Variants in DAB1 observed in about 807,000 individuals in gnomAD.
DAB1 encodes disabled homolog 1.
Under a neutral mutation model 64.6 loss-of-function variants are expected in DAB1, and 15 were observed. The ratio of observed to expected loss-of-function variants is 0.23; its 90% CI spans 0.16 to 0.36. The LOEUF is 0.36. Ranked by LOEUF, DAB1 falls within the 10% of genes least tolerant of loss-of-function variation. DAB1 has a pLI of 1.00. For synonymous variants in DAB1, 235 were observed against 251.9 expected (o/e 0.93, Z 0.64); for missense variants, 596 against 706.7 (o/e 0.84, Z 1.78).
intron 2 of DAB1, among the ~76,000 whole-genome samples, chr1:57,220,757 T>C (rs930321797): frequency 6.6e-6 from 1 of 152,086 alleles, no homozygotes; most frequent in Non-Finnish European, 1.5e-5. Flanking sequence ...AAACAACAGG[T>C]GCTGGAGAGG....
At chr1:57,692,252 TA>T (rs1239016694) in intron 6 of DAB1, among the ~76,000 whole-genome samples, 3 of 152,128 alleles carry the variant, frequency 2.0e-5, no homozygotes, top group African/African-American at 7.2e-5. Context: ...GTCCCGCTTC[TA>T]AAAACTACTC....
intron 4 of DAB1, among the ~76,000 whole-genome samples, chr1:58,322,631 C>T (rs1569641002): frequency 1.3e-5 from 2 of 152,188 alleles, no homozygotes; most frequent in Non-Finnish European, 2.9e-5. Context: ...AATGCTTTTA[C>T]AGTTTTGTTG....
chr1:58,016,366 T>C (rs1303086637), intron 5 of DAB1, among the ~76,000 whole-genome samples: 1 of 152,168 alleles, frequency 6.6e-6, no homozygotes, highest in Non-Finnish European at 1.5e-5. Context: ...CAATTTCCCA[T>C]TTAAGTAATC....
chr1:57,075,062 A>T (rs1651863866), intron 4 of DAB1, among the ~76,000 whole-genome samples: 1 of 152,186 alleles, frequency 6.6e-6, no homozygotes, highest in Admixed American at 6.5e-5. Flanking sequence ...TCCTAAAAGT[A>T]TCTCTCTCGC....
upstream of DAB1, among the ~76,000 whole-genome samples, chr1:57,427,147 G>A (rs1685322518): frequency 6.6e-6 from 1 of 152,174 alleles, no homozygotes; most frequent in African/African-American, 2.4e-5. Flanking sequence ...ACAGGCGTGA[G>A]CCACCACGCC....
chr1:58,105,375 A>T (rs760900718), intron 5 of DAB1, among the ~76,000 whole-genome samples: 1 of 152,206 alleles, frequency 6.6e-6, no homozygotes, highest in Non-Finnish European at 1.5e-5. Flanking sequence ...CATAAATACA[A>T]GGGCTGCCAT....
intron 4 of DAB1, among the ~76,000 whole-genome samples, chr1:58,161,343 C>T (rs995382828): frequency 7.9e-5 from 12 of 152,176 alleles, no homozygotes; most frequent in Middle Eastern, 3.4e-3. Flanking sequence ...TGGAATAAAA[C>T]GATTTTTATT....
chr1:57,909,656 A>C (rs1005023329), intron 5 of DAB1, among the ~76,000 whole-genome samples: 1 of 152,200 alleles, frequency 6.6e-6, no homozygotes, highest in African/African-American at 2.4e-5. Context: ...TTAGCAAAAA[A>C]TACTGCAAAG....
At chr1:57,764,961 C>G (rs900114284) in intron 6 of DAB1, among the ~76,000 whole-genome samples, 6 of 152,068 alleles carry the variant, frequency 3.9e-5, no homozygotes, top group Admixed American at 3.9e-4. Context: ...TTAGCCAAAC[C>G]AGATGGAAAT....
chr1:57,652,492 T>C (rs528073729), intron 6 of DAB1, among the ~76,000 whole-genome samples: 1 of 152,298 alleles, frequency 6.6e-6, no homozygotes, highest in East Asian at 1.9e-4. Flanking sequence ...AAAATCTCTC[T>C]ATTGCAATTC....
At chr1:57,993,753 C>G (rs1570188961) in intron 5 of DAB1, among the ~76,000 whole-genome samples, 1 of 133,100 alleles carries the variant, frequency 7.5e-6, no homozygotes, top group African/African-American at 2.5e-5. Flanking sequence ...ATTGTACTGG[C>G]AGAAGCTGGA....
chr1:57,176,106 C>T (rs1471325071), intron 2 of DAB1, among the ~76,000 whole-genome samples: 5 of 152,104 alleles, frequency 3.3e-5, no homozygotes, highest in African/African-American at 1.2e-4. Flanking sequence ...AAACAAGAGG[C>T]TGTATATTAG....
chr1:58,363,800 T>G (rs1312091594), intron 3 of DAB1, among the ~76,000 whole-genome samples: 2 of 152,204 alleles, frequency 1.3e-5, no homozygotes, highest in African/African-American at 4.8e-5. Context: ...TCTAATCACA[T>G]CCAGCTTCCT....
rs548849270 is a variant in DAB1 at position 58,113,250 on chromosome 1, T to G, written n.387+37261A>C. 2.2e-4 allele frequency among the ~76,000 whole-genome samples: 34 copies of G among 152,178 alleles called. No homozygotes were observed. In the East Asian group the frequency reaches 5.0e-3, roughly 23 times the overall value. ...CAAGGAGATGAGATGATGGGCAGGA[T>G]TCTGGCCAGACAGGACCGAGCTGTT... is the stretch of plus-strand genomic sequence containing the variant. On this transcript the variant is annotated intron_variant and non_coding_transcript_variant, in intron 5 of 20. Transcript: ENST00000485760.
At chr1:57,988,986 G>A (rs1400906979) in intron 5 of DAB1, among the ~76,000 whole-genome samples, 1 of 152,066 alleles carries the variant, frequency 6.6e-6, no homozygotes, top group African/African-American at 2.4e-5. Flanking sequence ...GCTGGAAGAA[G>A]CATTTTCAGA....
intron 5 of DAB1, among the ~76,000 whole-genome samples, chr1:58,081,034 C>T (rs1202395669): frequency 6.6e-6 from 1 of 152,218 alleles, no homozygotes; most frequent in Non-Finnish European, 1.5e-5. Context: ...GCTCTTATCA[C>T]TATCCCTTCT....
At chr1:57,055,318 A>G (rs1649638028) in intron 9 of DAB1, among the ~76,000 whole-genome samples, 1 of 152,206 alleles carries the variant, frequency 6.6e-6, no homozygotes, top group Admixed American at 6.5e-5. Context: ...TTGAGAACAA[A>G]TCTGCTAGAA....
chr1:58,025,397 C>T (rs988055283), intron 5 of DAB1, among the ~76,000 whole-genome samples: 3 of 151,740 alleles, frequency 2.0e-5, no homozygotes, highest in African/African-American at 7.3e-5. Context: ...ACTTATTAGC[C>T]ATGTTTAGGA....
chr1:57,374,286 G>T (rs777673001), intron 1 of DAB1, among the ~76,000 whole-genome samples: 9 of 151,964 alleles, frequency 5.9e-5, no homozygotes, highest in Non-Finnish European at 1.0e-4. Flanking sequence ...TTTGTCAGAA[G>T]GTATTATGAT....
Sources: gnomAD v4.1 joint callset for allele counts (sites outside exome capture counted in the v4.1 genomes callset) on GRCh38, gnomAD v4.1.1 for gene constraint, MANE v1.5 for transcripts, NCBI Gene and HGNC (gene_info 2026-07-23, HGNC 2026-07-21) for gene names.